Variants in SERF1B observed in about 807,000 individuals in gnomAD.
SERF1B encodes the protein small EDRK-rich factor 1B, also known as small EDRK-rich factor 1.
intron 2 of SERF1B, among the ~76,000 whole-genome samples, chr5:70,029,243 C>T (rs1403136640): frequency 4.0e-5 from 6 of 151,616 alleles, no homozygotes; most frequent in African/African-American, 1.5e-4. Flanking sequence ...TTAAGCGATT[C>T]TCCTGCGTCA....
At chr5:70,035,469 C>T (rs1395925938) in intron 2 of SERF1B, among the ~76,000 whole-genome samples, 2 of 105,212 alleles carry the variant, frequency 1.9e-5, no homozygotes, top group African/African-American at 7.1e-5. Flanking sequence ...GCAACCTCTG[C>T]CTCCCGGGTT....
intron 2 of SERF1B, among the ~76,000 whole-genome samples, chr5:70,036,650 C>G (rs1437460637): frequency 6.6e-6 from 1 of 150,596 alleles, no homozygotes; most frequent in Non-Finnish European, 1.5e-5. Context: ...CTCTCTCTCT[C>G]TCTCTCTCTC....
At chr5:70,035,390 T>A (rs1774171263) in intron 2 of SERF1B, among the ~76,000 whole-genome samples, 1 of 138,824 alleles carries the variant, frequency 7.2e-6, no homozygotes. Context: ...ATTATTTTTT[T>A]TTTTTTTTGA....
intron 2 of SERF1B, among the ~76,000 whole-genome samples, chr5:70,036,629 A>ACACACACACTCT (rs763495681): frequency 5.6e-4 from 28 of 49,884 alleles, no homozygotes; most frequent in East Asian, 7.9e-4. Context: ...ACACACACAC[A>ACACACACACTCT]CTCTCTCTCT....
At chr5:70,029,369 C>T (rs1480042336) in intron 2 of SERF1B, among the ~76,000 whole-genome samples, 1 of 151,196 alleles carries the variant, frequency 6.6e-6, no homozygotes, top group African/African-American at 2.4e-5. Flanking sequence ...CTACTGACCT[C>T]AAGTGATCCA....
rs1774262794 is a variant in SERF1B at position 70,041,717 on chromosome 5, G to A, written c.310G>A (p.Glu104Lys). Residue 104 changes from glutamate to lysine, a missense_variant, in exon 3 of 3, where the codon GAG (glutamate) becomes AAG (lysine). Coordinates refer to ENST00000380750, the MANE Select transcript of SERF1B (RefSeq NM_022978.3). ...TTCTGTCTTCTTCCCTTCTTTTTAT[G>A]AGGACTTTTGCTGTTGGATTTAGGT... ...FFSVFFPSFY[E>K]DFCCWI 1 of 587,778 alleles carries A rather than the reference G, an allele frequency of 1.7e-6. No homozygotes were observed. The highest frequency in any genetic ancestry group is 3.2e-5 in the Admixed American group (1 of 31,564). The allele number at this position is 587,778 out of a possible 1,614,324, so 36.4% of individuals were successfully genotyped here.
chr5:70,028,567 C>A, intron 2 of SERF1B, among the ~76,000 whole-genome samples: 1 of 81,488 alleles, frequency 1.2e-5, no homozygotes. Context: ...AAAAAAAAAG[C>A]CAACTGTGGT....
chr5:70,036,629 A>ACTCTCACT, intron 2 of SERF1B, among the ~76,000 whole-genome samples: 1 of 49,880 alleles, frequency 2.0e-5, no homozygotes, highest in South Asian at 6.5e-4. Flanking sequence ...ACACACACAC[A>ACTCTCACT]CTCTCTCTCT....
chr5:70,028,552 CA>C (rs1157134405), intron 2 of SERF1B, among the ~76,000 whole-genome samples: 10 of 91,454 alleles, frequency 1.1e-4, no homozygotes, highest in Admixed American at 4.4e-4. Context: ...GACTCCGTCT[CA>C]AAAAAAAAAA....
At chr5:70,028,955 C>T (rs1446114587) in intron 2 of SERF1B, among the ~76,000 whole-genome samples, 9 of 150,798 alleles carry the variant, frequency 6.0e-5, no homozygotes, top group African/African-American at 1.7e-4. Flanking sequence ...CCAGCCTGGG[C>T]GACAGAGCGA....
intron 2 of SERF1B, among the ~76,000 whole-genome samples, chr5:70,036,604 C>A (rs1262991003): frequency 4.4e-5 from 5 of 114,052 alleles, no homozygotes; most frequent in African/African-American, 1.8e-4. Flanking sequence ...TACACACACA[C>A]ACACACACAC....
At chr5:70,032,205 TC>T (rs1328311828) in intron 2 of SERF1B, 38 of 1,200,992 alleles carry the variant, frequency 3.2e-5, no homozygotes, top group Non-Finnish European at 2.2e-5. Context: ...AAAGTTTATA[TC>T]CTCTTTTAAA....
At chr5:70,036,563 G>A (rs1396213641) in intron 2 of SERF1B, among the ~76,000 whole-genome samples, 1 of 107,730 alleles carries the variant, frequency 9.3e-6, no homozygotes, top group African/African-American at 4.5e-5. Flanking sequence ...CTCCACCCTG[G>A]GTGATAAGAG....
chr5:70,028,808 C>T (rs1344038643), intron 2 of SERF1B, among the ~76,000 whole-genome samples: 2 of 147,676 alleles, frequency 1.4e-5, no homozygotes, highest in Non-Finnish European at 3.0e-5. Flanking sequence ...AATCCCTGTC[C>T]GTACTAAAAA....
intron 2 of SERF1B, among the ~76,000 whole-genome samples, chr5:70,029,444 CTTTTT>C (rs61013564): frequency 1.6e-5 from 2 of 122,342 alleles, no homozygotes; most frequent in Admixed American, 8.3e-5. Flanking sequence ...CCAGTTATAC[CTTTTT>C]TTTTTTTTTT....
chr5:70,036,617 A>T (rs1453226210), intron 2 of SERF1B, among the ~76,000 whole-genome samples: 1 of 129,872 alleles, frequency 7.7e-6, no homozygotes, highest in East Asian at 2.5e-4. Context: ...ACACACACAC[A>T]CACACACACA....
intron 2 of SERF1B, among the ~76,000 whole-genome samples, chr5:70,029,281 G>A (rs1309248111): frequency 2.6e-5 from 4 of 151,796 alleles, no homozygotes; most frequent in African/African-American, 4.8e-5. Flanking sequence ...AATTGCAGGC[G>A]TCCGCCACCA....
intron 2 of SERF1B, among the ~76,000 whole-genome samples, chr5:70,036,621 ACACACACACTCT>A (rs1486977520): frequency 2.7e-5 from 3 of 110,154 alleles, no homozygotes; most frequent in African/African-American, 7.6e-5. Context: ...ACACACACAC[ACACACACACTCT>A]CTCTCTCTCT....
chr5:70,036,594 TAC>T lies in SERF1B; in HGVS notation c.117-4895_117-4894del, dbSNP rs1212936359. Among the ~76,000 whole-genome samples the T allele has an allele frequency of 9.6e-3, 1,011 of 105,768 alleles. 2 individuals are homozygous for T. Among genetic ancestry groups the T allele is most frequent in the Admixed American group, 0.017 (184 of 11,140 alleles). 69.4% of individuals were successfully genotyped at this position (105,768 alleles called of 152,430 possible). A position where few individuals can be genotyped will look rare whatever the true frequency, so the allele number is the denominator to read the frequency against. On this transcript the variant is annotated intron_variant, in intron 2 of 2. Coordinates refer to ENST00000380750, the MANE Select transcript of SERF1B (RefSeq NM_022978.3). ...AAGAGTGGGACCCTGTCTCAAAACA[TAC>T]ACACACACACACACACACACACACA...
Sources: allele counts gnomAD v4.1 joint callset (sites outside exome capture counted in the v4.1 genomes callset), GRCh38; gene constraint gnomAD v4.1.1; transcripts MANE v1.5; gene names NCBI Gene and HGNC (gene_info 2026-07-23, HGNC 2026-07-21).